The following PRDM10 variants were observed in gnomAD, a reference collection of about 807,000 sequenced individuals.
PRDM10 encodes the protein PR domain zinc finger protein 10.
PRDM10 carries 65 observed loss-of-function variants against 133.1 expected under a neutral mutation model. The ratio of observed to expected loss-of-function variants is 0.49; its 90% CI spans 0.40 to 0.60. PRDM10 has a LOEUF of 0.60. Among genes scored for constraint, PRDM10 ranks in the 20% least tolerant of loss-of-function variants. The probability of loss-of-function intolerance (pLI) is 0.00; values close to 1 mark genes in which losing one functional copy is unlikely to be tolerated. For synonymous variants in PRDM10, 582 were observed against 580.4 expected, an observed-to-expected ratio of 1.00 and a Z score of -0.04; for missense variants, 1,137 against 1,507.1, an observed-to-expected ratio of 0.75 and a Z score of 4.07.
chr11:129,912,182 C>A lies in PRDM10; in HGVS notation c.2885G>T (p.Gly962Val), dbSNP rs754045559. ...HQSQQSTVDV[G>V]QLHDPQPYPQ... ...GTAGGGCTGAGGATCATGGAGCTGG[C>A]CAACATCCACAGTGGACTGCTGTGA... Residue 962 changes from glycine (G) to valine (V), a missense_variant, in exon 18 of 21, where the codon GGC (glycine) becomes GTC (valine). Transcript: ENST00000360871. 1.2e-6 allele frequency: 2 copies of A among 1,610,286 alleles called. No homozygotes were observed. The highest frequency in any genetic ancestry group is 1.7e-6 in the Non-Finnish European group (2 of 1,177,750).
At chr11:129,942,651 C>T in intron 6 of PRDM10, 22 bp from the exon 7 acceptor site, 2 of 1,583,326 alleles carry the variant, frequency 1.3e-6, no homozygotes, top group Non-Finnish European at 8.6e-7. Context: ...AAAAGCCACA[C>T]CAAAAACAAA....
At chr11:129,912,648 A>G (rs1027318234) in intron 17 of PRDM10, among the ~76,000 whole-genome samples, 8 of 151,640 alleles carry the variant, frequency 5.3e-5, no homozygotes, top group African/African-American at 1.9e-4. Flanking sequence ...GCTACTAGGG[A>G]GGCTGAGGCA....
intron 1 of PRDM10, among the ~76,000 whole-genome samples, chr11:129,998,324 A>C (rs1013739905): frequency 6.6e-6 from 1 of 152,154 alleles, no homozygotes; most frequent in Non-Finnish European, 1.5e-5. Context: ...TCACAGCAGG[A>C]AAGAAGCTGT....
chr11:129,991,617 G>C (rs935515876), intron 1 of PRDM10, among the ~76,000 whole-genome samples: 2 of 151,760 alleles, frequency 1.3e-5, no homozygotes, highest in Non-Finnish European at 2.9e-5. Flanking sequence ...TCAGGAGTTC[G>C]AGACCATCCT....
intron 1 of PRDM10, among the ~76,000 whole-genome samples, chr11:129,975,149 G>A (rs935272560): frequency 7.2e-5 from 11 of 152,174 alleles, no homozygotes; most frequent in East Asian, 1.9e-4. Flanking sequence ...ACACTAGGCC[G>A]GGCATAGTGG....
chr11:129,941,814 C>T (rs555632529), intron 7 of PRDM10, among the ~76,000 whole-genome samples: 31 of 152,280 alleles, frequency 2.0e-4, no homozygotes, highest in African/African-American at 7.5e-4. Flanking sequence ...GTATGATATT[C>T]GTAGGTTGAG....
intron 1 of PRDM10, among the ~76,000 whole-genome samples, chr11:129,982,393 G>C (rs1250548012): frequency 2.0e-5 from 3 of 151,968 alleles, no homozygotes; most frequent in African/African-American, 7.2e-5. Flanking sequence ...CTCCCAAGTA[G>C]CTGGGATTAC....
chr11:129,907,823 C>T (rs1254293617), intron 19 of PRDM10, among the ~76,000 whole-genome samples: 2 of 152,102 alleles, frequency 1.3e-5, no homozygotes, highest in African/African-American at 2.4e-5. Flanking sequence ...GGCACAGGGG[C>T]TCACGCCTGT....
rs569650611 is a variant in PRDM10 at position 129,969,604 on chromosome 11, G to A, written c.-118-8522C>T. Among the ~76,000 whole-genome samples the A allele has an allele frequency of 1.7e-4, 26 of 149,912 alleles. No individual in the cohort carries two copies. In the South Asian group the frequency reaches 3.6e-3, roughly 21 times the overall value. ...AGGAGAGTAGTTCGAGACCAGCCTG[G>A]CCAACATAGTGAAACCCCATCTCTA... On this transcript the variant is annotated intron_variant, in intron 1 of 20. Coordinates refer to ENST00000360871, the MANE Select transcript of PRDM10 (RefSeq NM_199437.2).
chr11:129,919,065 T>C (rs1015735376), intron 13 of PRDM10, among the ~76,000 whole-genome samples: 2 of 152,138 alleles, frequency 1.3e-5, no homozygotes, highest in Non-Finnish European at 2.9e-5. Context: ...TAACAGGTAA[T>C]ATTAGATTTT....
intron 4 of PRDM10, among the ~76,000 whole-genome samples, chr11:129,951,317 G>A (rs566815215): frequency 1.3e-5 from 2 of 152,246 alleles, no homozygotes; most frequent in East Asian, 3.9e-4. Context: ...CATCACGATG[G>A]CCCTATGGAA....
chr11:129,934,552 C>CA (rs896855392), intron 9 of PRDM10, among the ~76,000 whole-genome samples: 47 of 147,836 alleles, frequency 3.2e-4, no homozygotes, highest in African/African-American at 7.2e-4. Flanking sequence ...AAATGGTTTT[C>CA]AAAAAAAAAA....
rs748119146 is a variant in PRDM10, at chr11:129,905,644, A to G, written c.3261T>C (p.Val1087=). The part of the protein sequence containing the change: ...TPVTTGQVKA[V]TSGHYVLSES... Reference sequence around the variant, plus strand: ...ACCGAGTAGCGTAGCTTACCGAAGTAACCGCCTTCACCTGGCCAGTAGTAA... The same window carrying G: ...ACCGAGTAGCGTAGCTTACCGAAGTGACCGCCTTCACCTGGCCAGTAGTAA... The change falls in exon 20 of 21, where the codon GTT becomes GTC. Residue 1087 remains valine (V), a synonymous_variant. Transcript: ENST00000360871. 9 of 1,613,840 alleles carry G rather than the reference A, an allele frequency of 5.6e-6. No individual in the cohort carries two copies. Among genetic ancestry groups the G allele is most frequent in the Non-Finnish European group, 7.6e-6 (9 of 1,179,804 alleles).
intron 4 of PRDM10, among the ~76,000 whole-genome samples, chr11:129,953,973 G>A (rs1298838527): frequency 6.8e-6 from 1 of 148,148 alleles, no homozygotes; most frequent in Admixed American, 6.7e-5. Flanking sequence ...TTACAGAAAT[G>A]AGGTTGGTTT....
intron 5 of PRDM10, among the ~76,000 whole-genome samples, chr11:129,946,062 C>T (rs1486366071): frequency 6.6e-6 from 1 of 151,112 alleles, no homozygotes; most frequent in Non-Finnish European, 1.5e-5. Flanking sequence ...CATGGTGAAA[C>T]TCCATCTCTA....
rs1951453144 is a variant in PRDM10 at position 129,947,346 on chromosome 11, C to T, written c.319G>A (p.Val107Met). Reference sequence around the variant, plus strand: ...TCTACACTCTCGATGGAAGGCAGCACCTGGTTATGAACTGGCAATGAGGCC... The same window carrying T: ...TCTACACTCTCGATGGAAGGCAGCATCTGGTTATGAACTGGCAATGAGGCC... ...QQASLPVHNQ[V>M]LPSIESVDGS... is the part of the protein sequence containing the mutation. Residue 107 changes from valine (V) to methionine (M), a missense_variant, in exon 5 of 21, where the codon GTG becomes ATG. Physicochemically the swap from Val to Met is conservative, Grantham distance 21. Transcript: ENST00000360871. This position sits in a 1 kb window ranked among gnomAD's most constrained non-coding sequence, Gnocchi z 4.6. 2.5e-6 allele frequency: 4 copies of T among 1,614,204 alleles called. No homozygotes were observed. The highest frequency in any genetic ancestry group is 3.4e-6 in the Non-Finnish European group (4 of 1,180,050).
chr11:129,981,137 C>T (rs1257574567), intron 1 of PRDM10, among the ~76,000 whole-genome samples: 2 of 152,050 alleles, frequency 1.3e-5, no homozygotes, highest in Non-Finnish European at 2.9e-5. Context: ...TCCCAAAGTG[C>T]TGGAATTACA....
At chr11:129,925,971 C>T (rs1193753121) in intron 11 of PRDM10, among the ~76,000 whole-genome samples, 1 of 152,140 alleles carries the variant, frequency 6.6e-6, no homozygotes, top group African/African-American at 2.4e-5. Flanking sequence ...GGGACATGAG[C>T]ACATGTCGTA....
chr11:129,977,729 T>G (rs1419751640), intron 1 of PRDM10, among the ~76,000 whole-genome samples: 1 of 151,716 alleles, frequency 6.6e-6, no homozygotes, highest in Non-Finnish European at 1.5e-5. Flanking sequence ...ATGAGGAGGG[T>G]GGATGACTTG....
Sources: allele counts gnomAD v4.1 joint callset (sites outside exome capture counted in the v4.1 genomes callset), GRCh38; gene constraint gnomAD v4.1.1; non-coding constraint Gnocchi (gnomAD v3.1); transcripts MANE v1.5; gene names NCBI Gene and HGNC (gene_info 2026-07-23, HGNC 2026-07-21).